The following LTBP1 variants were observed in gnomAD, a reference collection of about 807,000 sequenced individuals.
LTBP1 encodes latent-transforming growth factor beta-binding protein 1.
Under a neutral mutation model 207.6 loss-of-function variants are expected in LTBP1, and 129 were observed. That is an observed-to-expected ratio of 0.62 (90% CI 0.54 to 0.72). LTBP1 has a LOEUF of 0.72. LTBP1 is among the 30% of genes least tolerant of loss of function. LTBP1 has a pLI of 0.00. For synonymous variants in LTBP1, 963 were observed against 833.7 expected, an observed-to-expected ratio of 1.16 and a Z score of -2.67; for missense variants, 2,281 against 2,217.2, an observed-to-expected ratio of 1.03 and a Z score of -0.58.
intron 2 of LTBP1, among the ~76,000 whole-genome samples, chr2:32,962,349 GGTTAT>G (rs976436387): frequency 3.9e-5 from 6 of 152,202 alleles, no homozygotes; most frequent in Admixed American, 3.9e-4. Flanking sequence ...ATAGTGAAAA[GGTTAT>G]GTTAAGTTAG....
At chr2:33,285,502 G>A (rs1212788642) in intron 19 of LTBP1, among the ~76,000 whole-genome samples, 1 of 141,942 alleles carries the variant, frequency 7.0e-6, no homozygotes, top group Non-Finnish European at 1.5e-5. Context: ...AGGCTGGAGT[G>A]CAATGGCGCG....
chr2:33,056,842 T>C (rs1348927079), intron 3 of LTBP1, among the ~76,000 whole-genome samples: 1 of 152,122 alleles, frequency 6.6e-6, no homozygotes, highest in Non-Finnish European at 1.5e-5. Context: ...TTGCCACTGC[T>C]GGCTCAGGCA....
Position 33,399,017 on chromosome 2 carries a change from T to C in LTBP1, c.*472T>C, listed in dbSNP as rs1334238226. 6.5e-6 allele frequency: 1 copy of C among 152,808 alleles called. No individual in the cohort carries two copies. The highest frequency in any genetic ancestry group is 1.5e-5 in the Non-Finnish European group (1 of 68,158). 9.5% of individuals were successfully genotyped at this position (152,808 alleles called of 1,614,324 possible). ...GATACAATATTGTTAAGCTGTATTA[T>C]AAGTATTGTTACACAGGGTTATGCA... On this transcript the variant is annotated 3_prime_UTR_variant, in exon 34 of 34. Transcript: ENST00000404816.
chr2:33,262,626 A>T, intron 13 of LTBP1, 96 bp from the exon 14 acceptor site: 1 of 516,144 alleles, frequency 1.9e-6, no homozygotes, highest in Non-Finnish European at 3.4e-6. Context: ...GAATATAATT[A>T]ATTACATAAA....
intron 5 of LTBP1, among the ~76,000 whole-genome samples, chr2:33,170,861 G>A (rs1295512842): frequency 2.0e-5 from 3 of 152,020 alleles, no homozygotes; most frequent in African/African-American, 7.2e-5. Context: ...ACGAAAATCT[G>A]CTGTTCTACA....
At chr2:33,333,727 G>C (rs1285637795) in intron 24 of LTBP1, among the ~76,000 whole-genome samples, 1 of 152,142 alleles carries the variant, frequency 6.6e-6, no homozygotes, top group Non-Finnish European at 1.5e-5. Context: ...ATGTGGGTGT[G>C]TCCCATAGGG....
chr2:33,066,113 C>T (rs1179269979), intron 3 of LTBP1, among the ~76,000 whole-genome samples: 2 of 152,070 alleles, frequency 1.3e-5, no homozygotes, highest in African/African-American at 4.8e-5. Context: ...AACCTATAAT[C>T]AATATTTTCC....
At chr2:33,238,494 T>C (rs928856559) in intron 9 of LTBP1, among the ~76,000 whole-genome samples, 2 of 152,218 alleles carry the variant, frequency 1.3e-5, no homozygotes, top group African/African-American at 4.8e-5. Flanking sequence ...CCCTGGCAAC[T>C]GGCAGATTGT....
At chr2:33,359,164 A>G (rs2094898180) in intron 26 of LTBP1, among the ~76,000 whole-genome samples, 1 of 152,220 alleles carries the variant, frequency 6.6e-6, no homozygotes, top group Non-Finnish European at 1.5e-5. Flanking sequence ...AGACAAAATA[A>G]TCAGAGAATT....
chr2:33,008,689 A>G (rs772751845), intron 2 of LTBP1, among the ~76,000 whole-genome samples: 15 of 152,254 alleles, frequency 9.9e-5, no homozygotes, highest in Non-Finnish European at 1.9e-4. Flanking sequence ...CTTATACTTT[A>G]CTGGAAGAAG....
intron 2 of LTBP1, among the ~76,000 whole-genome samples, chr2:32,998,456 C>T (rs2148943371): frequency 8.3e-6 from 1 of 120,358 alleles, no homozygotes; most frequent in South Asian, 2.9e-4. Flanking sequence ...TCGGAGGTTG[C>T]AATGAGCCAA....
At chr2:33,160,510 C>T (rs1027885877) in intron 5 of LTBP1, among the ~76,000 whole-genome samples, 7 of 152,174 alleles carry the variant, frequency 4.6e-5, no homozygotes, top group Non-Finnish European at 1.0e-4. Context: ...TTCTAAGCTC[C>T]TGCAGATGAG....
chr2:33,047,092 T>G (rs1356978894), intron 3 of LTBP1, among the ~76,000 whole-genome samples: 1 of 152,108 alleles, frequency 6.6e-6, no homozygotes, highest in African/African-American at 2.4e-5. Flanking sequence ...TTTTGAAGGG[T>G]TTTTTGTGTC....
intron 15 of LTBP1, among the ~76,000 whole-genome samples, chr2:33,273,160 A>G (rs541743501): frequency 6.6e-6 from 1 of 152,232 alleles, no homozygotes; most frequent in African/African-American, 2.4e-5. Flanking sequence ...CTTTGGGGGG[A>G]TTAATGATAA....
intron 3 of LTBP1, among the ~76,000 whole-genome samples, chr2:33,098,643 T>C (rs2079533004): frequency 6.6e-6 from 1 of 152,164 alleles, no homozygotes; most frequent in Non-Finnish European, 1.5e-5. Context: ...TTTCACCTGT[T>C]GGCCAGGCTG....
Position 33,383,411 on chromosome 2 carries a change from C to A in LTBP1, c.4712-5773C>A, listed in dbSNP as rs1313198522. On this transcript the variant is annotated intron_variant, in intron 31 of 33. Transcript: ENST00000404816. ...CTTATCAGTCACTGGAGGAGACAGTCATTTCATTCTCTTTATCTCCTCCCT... is the reference window on the plus strand; with the variant it reads ...CTTATCAGTCACTGGAGGAGACAGTAATTTCATTCTCTTTATCTCCTCCCT... Among the ~76,000 whole-genome samples, 3 of 152,324 alleles carry A rather than the reference C, an allele frequency of 2.0e-5. No homozygotes were observed. In the East Asian group the frequency reaches 5.8e-4, roughly 29 times the overall value.
chr2:33,264,409 T>C (rs2093116812), intron 15 of LTBP1, among the ~76,000 whole-genome samples: 1 of 152,170 alleles, frequency 6.6e-6, no homozygotes. Context: ...TATATTTTTA[T>C]TTTCAAAGTT....
At chr2:33,283,427 CTTTTTTTTTTTTT>C (rs763384851) in intron 19 of LTBP1, among the ~76,000 whole-genome samples, 253 of 68,942 alleles carry the variant, frequency 3.7e-3, no homozygotes, top group African/African-American at 0.014. Flanking sequence ...ACATTAAAGA[CTTTTTTTTTTTTT>C]TTTTTTTTTT....
In LTBP1 at chr2:33,206,128, G is replaced by A. The variant is rs191470482; in HGVS notation, c.1702-11424G>A. Among the ~76,000 whole-genome samples, 23 of 152,330 alleles carry A rather than the reference G, an allele frequency of 1.5e-4. No homozygotes were observed. In the East Asian group the frequency reaches 4.2e-3, roughly 28 times the overall value. On this transcript the variant is annotated intron_variant, in intron 7 of 33. Coordinates refer to ENST00000404816, the MANE Select transcript of LTBP1 (RefSeq NM_206943.4). Reference sequence around the variant, plus strand: ...AACAAGTGGCTCTTTGGGGAACAATGGATGTTTCTGCCAGAAGAGTCAGGG... The same window carrying A: ...AACAAGTGGCTCTTTGGGGAACAATAGATGTTTCTGCCAGAAGAGTCAGGG...
Sources: allele counts gnomAD v4.1 joint callset (sites outside exome capture counted in the v4.1 genomes callset), GRCh38; gene constraint gnomAD v4.1.1; transcripts MANE v1.5; gene names NCBI Gene and HGNC (gene_info 2026-07-23, HGNC 2026-07-21).